The following NYAP2 variants were observed in gnomAD, a reference collection of about 807,000 sequenced individuals.
NYAP2 encodes the protein neuronal tyrosine-phosphorylated phosphoinositide-3-kinase adapter 2.
In NYAP2, 23 loss-of-function variants were observed where a neutral mutation model predicts 50.4. The observed-to-expected ratio is 0.46, with a 90% CI of 0.33 to 0.65. NYAP2 has a LOEUF of 0.65. Ranked by LOEUF, NYAP2 falls within the 30% of genes least tolerant of loss-of-function variation. The probability of loss-of-function intolerance (pLI) is 0.02; values close to 1 mark genes in which losing one functional copy is unlikely to be tolerated. For synonymous variants in NYAP2, 394 were observed against 365.2 expected, an observed-to-expected ratio of 1.08 and a Z score of -0.90; for missense variants, 885 against 861.0, an observed-to-expected ratio of 1.03 and a Z score of -0.35.
At chr2:225,662,032 G>T in the NYAP2 span, among the ~76,000 whole-genome samples, 1 of 152,094 alleles carries the variant, frequency 6.6e-6, no homozygotes, top group African/African-American at 2.4e-5. Flanking sequence ...CCCTGAATTT[G>T]CTCCCATTCT....
intron 3 of NYAP2, among the ~76,000 whole-genome samples, chr2:225,468,013 T>C (rs1376846466): frequency 1.3e-5 from 2 of 152,190 alleles, no homozygotes; most frequent in African/African-American, 4.8e-5. Context: ...AAAAACCCTC[T>C]TGATAGAGTT....
intron 5 of NYAP2, among the ~76,000 whole-genome samples, chr2:225,604,185 A>AT (rs1296577225): frequency 7.9e-5 from 12 of 152,086 alleles, no homozygotes; most frequent in Non-Finnish European, 1.6e-4. Flanking sequence ...ACAAGAGTTC[A>AT]TTCAAGGGAG....
the NYAP2 span, among the ~76,000 whole-genome samples, chr2:225,670,691 C>T: frequency 6.6e-6 from 1 of 150,664 alleles, no homozygotes; most frequent in South Asian, 2.1e-4. Context: ...CATTGTTTAT[C>T]ATGTGTTTTG....
intron 3 of NYAP2, among the ~76,000 whole-genome samples, chr2:225,415,930 C>G (rs1695115395): frequency 6.6e-6 from 1 of 151,926 alleles, no homozygotes; most frequent in Admixed American, 6.6e-5. Context: ...AAACTCAAAT[C>G]TGCAGCATGT....
chr2:225,440,535 T>G (rs1236308835), intron 3 of NYAP2, among the ~76,000 whole-genome samples: 1 of 152,186 alleles, frequency 6.6e-6, no homozygotes, highest in Non-Finnish European at 1.5e-5. Context: ...GCCTTCTGAA[T>G]GTACGGAGGA....
intron 5 of NYAP2, among the ~76,000 whole-genome samples, chr2:225,623,201 A>G (rs971276712): frequency 3.3e-5 from 5 of 152,246 alleles, no homozygotes; most frequent in African/African-American, 1.2e-4. Context: ...AAGGCTATTT[A>G]TTCAGAGCTT....
intron 5 of NYAP2, among the ~76,000 whole-genome samples, chr2:225,589,545 A>ATAT (rs1449938512): frequency 8.6e-5 from 12 of 139,688 alleles, no homozygotes; most frequent in South Asian, 2.3e-4. Flanking sequence ...ATATATATTT[A>ATAT]ATAGCTGGGT....
chr2:225,474,136 T>C (rs1437388635), intron 3 of NYAP2, among the ~76,000 whole-genome samples: 1 of 152,218 alleles, frequency 6.6e-6, no homozygotes, highest in African/African-American at 2.4e-5. Context: ...GTGGCATTAT[T>C]TCTGAGGGCT....
intron 4 of NYAP2, among the ~76,000 whole-genome samples, chr2:225,517,375 G>A (rs1690955016): frequency 6.6e-6 from 1 of 152,150 alleles, no homozygotes; most frequent in Admixed American, 6.6e-5. Context: ...CAAAAGGAGG[G>A]AGTGTGCACC....
intron 4 of NYAP2, among the ~76,000 whole-genome samples, chr2:225,536,259 G>A (rs747808571): frequency 1.4e-4 from 21 of 152,060 alleles, no homozygotes; most frequent in African/African-American, 3.6e-4. Context: ...CTCCCAAGGC[G>A]CTACCACATG....
the NYAP2 span, among the ~76,000 whole-genome samples, chr2:225,671,340 G>A: frequency 6.6e-6 from 1 of 152,106 alleles, no homozygotes; most frequent in African/African-American, 2.4e-5. Context: ...AATGTTCATA[G>A]CACCTTTACC....
At chr2:225,462,059 T>A (rs552525104) in intron 3 of NYAP2, among the ~76,000 whole-genome samples, 57 of 152,332 alleles carry the variant, frequency 3.7e-4, no homozygotes, top group Admixed American at 1.6e-3. Flanking sequence ...TCTGTCTGTA[T>A]GTCATATAAA....
rs531338548 is a variant in NYAP2, at chr2:225,609,041, G to A, written c.1619-17876G>A. 9.2e-5 allele frequency among the ~76,000 whole-genome samples: 14 copies of A among 152,036 alleles called. No homozygotes were observed. The South Asian group carries it at 2.7e-3, about 29-fold the overall frequency. On this transcript the variant is annotated intron_variant, in intron 5 of 6. Coordinates refer to ENST00000636099, the Ensembl canonical transcript of NYAP2. ...GCTGTTCCAATCTGCCCTATAGATCGCTGCCTTTACTTCTTGTCATATTCT... is the reference window on the plus strand; with the variant it reads ...GCTGTTCCAATCTGCCCTATAGATCACTGCCTTTACTTCTTGTCATATTCT...
intron 3 of NYAP2, among the ~76,000 whole-genome samples, chr2:225,435,949 G>A (rs559937132): frequency 6.6e-6 from 1 of 152,094 alleles, no homozygotes; most frequent in African/African-American, 2.4e-5. Flanking sequence ...TCCCTTATGG[G>A]GTGGTTGCAA....
chr2:225,564,168 T>C (rs2106217543), intron 4 of NYAP2, among the ~76,000 whole-genome samples: 1 of 152,216 alleles, frequency 6.6e-6, no homozygotes, highest in African/African-American at 2.4e-5. Flanking sequence ...TAAGGTCTCC[T>C]TGGGGATGTT....
At chr2:225,410,597 A>G (rs926657801) in intron 3 of NYAP2, among the ~76,000 whole-genome samples, 6 of 151,984 alleles carry the variant, frequency 3.9e-5, no homozygotes, top group African/African-American at 1.5e-4. Context: ...TGGCATTAAA[A>G]CTCAATAATA....
In NYAP2 at chr2:225,646,163, C is replaced by A. The variant is rs77412385; in HGVS notation, c.1829-5269C>A. Among the ~76,000 whole-genome samples the A allele has an allele frequency of 2.0e-5, 3 of 152,208 alleles. No individual in the cohort carries two copies. The East Asian group carries it at 5.8e-4, about 29-fold the overall frequency. ...TTCATCAGCCTGGTCTCAGAAACAC[C>A]ATAGGAAATTCCAAATGCATTTAGG... On this transcript the variant is annotated intron_variant, in intron 6 of 6. Transcript: ENST00000636099.
intron 4 of NYAP2, among the ~76,000 whole-genome samples, chr2:225,555,046 A>C (rs1691752947): frequency 6.6e-6 from 1 of 152,200 alleles, no homozygotes; most frequent in African/African-American, 2.4e-5. Context: ...AGCATTTTCC[A>C]GTTTTTCTTC....
At chr2:225,472,754 T>C (rs1374811422) in intron 3 of NYAP2, among the ~76,000 whole-genome samples, 1 of 152,198 alleles carries the variant, frequency 6.6e-6, no homozygotes, top group African/African-American at 2.4e-5. Context: ...GGGATATCTC[T>C]TTCCTTGCTA....
Sources: gnomAD v4.1 joint callset for allele counts (sites outside exome capture counted in the v4.1 genomes callset) on GRCh38, gnomAD v4.1.1 for gene constraint, MANE v1.5 for transcripts, NCBI Gene and HGNC (gene_info 2026-07-23, HGNC 2026-07-21) for gene names.